The following NCMAP variants were observed in gnomAD, a reference collection of about 807,000 sequenced individuals.
NCMAP encodes the protein noncompact myelin-associated protein.
NCMAP carries 8 observed loss-of-function variants against 7.8 expected under a neutral mutation model. The observed-to-expected ratio is 1.02, with a 90% CI of 0.60 to 1.84. The LOEUF (loss-of-function observed/expected upper bound fraction) is 1.84, where lower values mean the gene tolerates loss of function less well. Ranked by LOEUF, NCMAP falls within the 40% of genes most tolerant of loss-of-function variation. The probability of loss-of-function intolerance (pLI) is 0.00; values close to 1 mark genes in which losing one functional copy is unlikely to be tolerated. For synonymous variants in NCMAP, 41 were observed against 52.9 expected (o/e 0.78, Z 0.98); for missense variants, 112 against 131.4 (o/e 0.85, Z 0.72).
intron 2 of NCMAP, among the ~76,000 whole-genome samples, chr1:24,600,606 A>G (rs1652451475): frequency 6.6e-6 from 1 of 152,302 alleles, no homozygotes; most frequent in Admixed American, 6.5e-5. Flanking sequence ...ATCACATGCT[A>G]CTTTTGCATT....
intron 1 of NCMAP, among the ~76,000 whole-genome samples, chr1:24,578,560 C>CTTT (rs555342098): frequency 1.9e-4 from 20 of 107,378 alleles, no homozygotes; most frequent in African/African-American, 7.4e-4. Context: ...TTCTTTCTTT[C>CTTT]TTTTTTTTTT....
Position 24,606,064 on chromosome 1 carries a change from G to C in NCMAP, c.*317G>C. 3.4e-6 allele frequency: 1 copy of C among 293,168 alleles called. No homozygotes were observed. Among genetic ancestry groups the C allele is most frequent in the South Asian group, 6.4e-5 (1 of 15,540 alleles). 18.2% of individuals were successfully genotyped at this position (293,168 alleles called of 1,614,324 possible). A position where few individuals can be genotyped will look rare whatever the true frequency, so the allele number is the denominator to read the frequency against. ...CACACTGTAGTTAGACAGATAGACAGATAGCCCAGGAGCCAGGTGTCAGGG... is the reference window on the plus strand; with the variant it reads ...CACACTGTAGTTAGACAGATAGACACATAGCCCAGGAGCCAGGTGTCAGGG... On this transcript the variant is annotated 3_prime_UTR_variant, in exon 4 of 4. Coordinates refer to ENST00000374392, the MANE Select transcript of NCMAP (RefSeq NM_001010980.5).
At chr1:24,567,303 G>A (rs2148926442) in intron 1 of NCMAP, among the ~76,000 whole-genome samples, 1 of 152,258 alleles carries the variant, frequency 6.6e-6, no homozygotes. Flanking sequence ...CCTCCCTACT[G>A]ATAACAACAC....
chr1:24,557,060 G>C (rs6667910), intron 1 of NCMAP, among the ~76,000 whole-genome samples: 102,586 of 152,030 alleles, frequency 0.67, 35,170 homozygotes, highest in Middle Eastern at 0.8. Context: ...AATACAGGGT[G>C]GGTATATAGT....
intron 1 of NCMAP, among the ~76,000 whole-genome samples, chr1:24,557,329 A>G (rs1449444257): frequency 1.3e-5 from 2 of 152,242 alleles, no homozygotes; most frequent in Non-Finnish European, 2.9e-5. Context: ...TGGAACAGTT[A>G]TAAGCAGAAG....
intron 1 of NCMAP, among the ~76,000 whole-genome samples, chr1:24,578,614 G>A (rs1385122470): frequency 1.4e-5 from 2 of 145,368 alleles, no homozygotes; most frequent in East Asian, 4.0e-4. Flanking sequence ...CCAGGCTGGA[G>A]TGCAGTGGTA....
intron 1 of NCMAP, among the ~76,000 whole-genome samples, chr1:24,560,745 T>C (rs1321140630): frequency 2.1e-5 from 3 of 145,824 alleles, no homozygotes; most frequent in East Asian, 4.0e-4. Flanking sequence ...CCCTATCTCA[T>C]AGAAAAAAAA....
chr1:24,564,525 A>AAAC, intron 1 of NCMAP, among the ~76,000 whole-genome samples: 1 of 148,688 alleles, frequency 6.7e-6, no homozygotes, highest in Non-Finnish European at 1.5e-5. Flanking sequence ...AAAAAAAAAA[A>AAAC]AAAAAAACAA....
intron 1 of NCMAP, among the ~76,000 whole-genome samples, chr1:24,573,988 T>C (rs1266438779): frequency 9.4e-6 from 1 of 105,900 alleles, no homozygotes; most frequent in African/African-American, 3.8e-5. Context: ...AAAGGGGGAA[T>C]ATGTCAGTCT....
intron 1 of NCMAP, among the ~76,000 whole-genome samples, chr1:24,559,224 A>G (rs2148923863): frequency 6.6e-6 from 1 of 152,284 alleles, no homozygotes; most frequent in South Asian, 2.1e-4. Flanking sequence ...GCCTTGTTCT[A>G]GTTCCCCTAT....
At chr1:24,584,433 G>C (rs1354604243) in intron 1 of NCMAP, among the ~76,000 whole-genome samples, 1 of 152,206 alleles carries the variant, frequency 6.6e-6, no homozygotes, top group East Asian at 1.9e-4. Context: ...TATCATATCT[G>C]CAGGTCTTGG....
chr1:24,598,274 A>G (rs769745256), intron 2 of NCMAP, among the ~76,000 whole-genome samples: 1 of 144,840 alleles, frequency 6.9e-6, no homozygotes, highest in Non-Finnish European at 1.6e-5. Flanking sequence ...TGCATAAATC[A>G]TAAGTGCCCA....
At chr1:24,574,816 G>C (rs1651498538) in intron 1 of NCMAP, among the ~76,000 whole-genome samples, 1 of 139,122 alleles carries the variant, frequency 7.2e-6, no homozygotes, top group Non-Finnish European at 1.5e-5. Context: ...TTTTTTTTGA[G>C]ACGGAGTCTC....
intron 1 of NCMAP, among the ~76,000 whole-genome samples, chr1:24,580,220 A>G (rs4000266): frequency 0.71 from 107,673 of 151,964 alleles, 38,534 homozygotes; most frequent in East Asian, 0.83. Flanking sequence ...TGGCTAATGC[A>G]ACGGAGACAC....
chr1:24,605,718 C>G lies in NCMAP; in HGVS notation c.280C>G (p.Pro94Ala). Residue 94 changes from proline to alanine, a missense_variant, in exon 4 of 4, where the codon CCT becomes GCT. Coordinates refer to ENST00000374392, the MANE Select transcript of NCMAP (RefSeq NM_001010980.5). ...SQHPATVTFS[P>A]VDVQVETR Reference sequence around the variant, plus strand: ...ACACCCAGCAACTGTGACCTTCAGTCCTGTTGACGTCCAGGTGGAGACGCG... The same window carrying G: ...ACACCCAGCAACTGTGACCTTCAGTGCTGTTGACGTCCAGGTGGAGACGCG... 6.2e-7 allele frequency: 1 copy of G among 1,614,080 alleles called. No individual in the cohort carries two copies. The highest frequency in any genetic ancestry group is 2.2e-5 in the East Asian group (1 of 44,896).
intron 1 of NCMAP, among the ~76,000 whole-genome samples, chr1:24,583,445 G>A: frequency 6.6e-6 from 1 of 152,154 alleles, no homozygotes; most frequent in African/African-American, 2.4e-5. Flanking sequence ...CAGGCACGGT[G>A]GCTCATGCCT....
At chr1:24,604,589 A>AT (rs1652622838) in intron 3 of NCMAP, among the ~76,000 whole-genome samples, 2 of 60,248 alleles carry the variant, frequency 3.3e-5, no homozygotes, top group Non-Finnish European at 5.6e-5. Context: ...AAAAAAAAAA[A>AT]AAAAAAAAAA....
chr1:24,579,668 C>T (rs1308502679), intron 1 of NCMAP, among the ~76,000 whole-genome samples: 1 of 152,144 alleles, frequency 6.6e-6, no homozygotes, highest in Non-Finnish European at 1.5e-5. Flanking sequence ...TTCAAGGCTG[C>T]AGTGAGCTAT....
chr1:24,594,456 G>A (rs1652151658), intron 1 of NCMAP, among the ~76,000 whole-genome samples: 1 of 152,174 alleles, frequency 6.6e-6, no homozygotes, highest in African/African-American at 2.4e-5. Context: ...AGCTTGCTCA[G>A]TAGGAGGGTG....
Sources: allele counts gnomAD v4.1 joint callset (sites outside exome capture counted in the v4.1 genomes callset), GRCh38; gene constraint gnomAD v4.1.1; transcripts MANE v1.5; gene names NCBI Gene and HGNC (gene_info 2026-07-23, HGNC 2026-07-21).